The following MACROD2 variants were observed in gnomAD, a reference collection of about 807,000 sequenced individuals.
MACROD2 encodes ADP-ribose glycohydrolase MACROD2.
In MACROD2, 36 loss-of-function variants were observed where a neutral mutation model predicts 70.4. That is an observed-to-expected ratio of 0.51 (90% CI 0.39 to 0.68). The LOEUF (loss-of-function observed/expected upper bound fraction) is 0.68, where lower values mean the gene tolerates loss of function less well. Among genes scored for constraint, MACROD2 ranks in the 30% least tolerant of loss-of-function variants. The pLI is 0.00. For synonymous variants in MACROD2, 172 were observed against 178.8 expected, an observed-to-expected ratio of 0.96 and a Z score of 0.30; for missense variants, 496 against 538.4, an observed-to-expected ratio of 0.92 and a Z score of 0.78.
chr20:14,556,560 C>T (rs1339887989), intron 4 of MACROD2, among the ~76,000 whole-genome samples: 2 of 152,020 alleles, frequency 1.3e-5, no homozygotes, highest in African/African-American at 2.4e-5. Context: ...CTGCCAAACA[C>T]CACTGGAAAA....
At chr20:15,074,682 C>T (rs893246372) in intron 5 of MACROD2, among the ~76,000 whole-genome samples, 1 of 152,154 alleles carries the variant, frequency 6.6e-6, no homozygotes, top group Non-Finnish European at 1.5e-5. Flanking sequence ...AGCTGGTATC[C>T]ACTGCAGAAT....
chr20:14,034,117 G>A lies in MACROD2; in HGVS notation c.163+31713G>A, dbSNP rs1354637232. 2.6e-5 allele frequency among the ~76,000 whole-genome samples: 4 copies of A among 151,962 alleles called. No individual in the cohort carries two copies. In the East Asian group the frequency reaches 5.8e-4, roughly 22 times the overall value. Reference sequence around the variant, plus strand: ...CTCCCGACTAGTTGGGACTACAGGCGCCCGCCACCACACCAGGCTAATTTC... The same window carrying A: ...CTCCCGACTAGTTGGGACTACAGGCACCCGCCACCACACCAGGCTAATTTC... On this transcript the variant is annotated intron_variant, in intron 2 of 17. Transcript: ENST00000684519.
chr20:15,854,548 G>A (rs2064336569), intron 8 of MACROD2, among the ~76,000 whole-genome samples: 1 of 152,104 alleles, frequency 6.6e-6, no homozygotes, highest in African/African-American at 2.4e-5. Flanking sequence ...AACTAGGTTG[G>A]GCCTGGACTT....
intron 7 of MACROD2, among the ~76,000 whole-genome samples, chr20:15,467,266 A>C (rs1279496161): frequency 6.6e-6 from 1 of 152,232 alleles, no homozygotes; most frequent in Non-Finnish European, 1.5e-5. Context: ...TGTATGTTCT[A>C]TACCATTTCC....
chr20:14,562,903 C>G (rs1349447167), intron 4 of MACROD2, among the ~76,000 whole-genome samples: 1 of 151,770 alleles, frequency 6.6e-6, no homozygotes, highest in Non-Finnish European at 1.5e-5. Flanking sequence ...GTTTTGTGCT[C>G]TTTTGCCTTG....
chr20:14,103,288 T>C (rs2054323186), intron 3 of MACROD2, among the ~76,000 whole-genome samples: 1 of 152,200 alleles, frequency 6.6e-6, no homozygotes, highest in East Asian at 1.9e-4. Context: ...TCTTCTGAAG[T>C]TAAATAGTAA....
At chr20:14,446,139 T>G (rs1192281078) in intron 3 of MACROD2, among the ~76,000 whole-genome samples, 1 of 152,040 alleles carries the variant, frequency 6.6e-6, no homozygotes, top group Non-Finnish European at 1.5e-5. Flanking sequence ...CTACCAAACT[T>G]TGTATTGCCA....
intron 5 of MACROD2, among the ~76,000 whole-genome samples, chr20:14,866,143 C>A (rs918886044): frequency 6.6e-6 from 1 of 152,120 alleles, no homozygotes; most frequent in South Asian, 2.1e-4. Flanking sequence ...GCAACTGTCT[C>A]TCCATAGTTA....
At chr20:15,949,763 T>C (rs1207687673) in intron 12 of MACROD2, among the ~76,000 whole-genome samples, 5 of 152,148 alleles carry the variant, frequency 3.3e-5, no homozygotes, top group Non-Finnish European at 7.4e-5. Flanking sequence ...CATCACCTAA[T>C]AAAAGTAATC....
intron 8 of MACROD2, among the ~76,000 whole-genome samples, chr20:15,526,358 G>C (rs962556907): frequency 8.5e-5 from 13 of 152,134 alleles, no homozygotes; most frequent in African/African-American, 2.9e-4. Context: ...AATAGTTCAG[G>C]TATAACATAA....
chr20:14,471,278 A>T (rs2084527730), intron 3 of MACROD2, among the ~76,000 whole-genome samples: 2 of 152,110 alleles, frequency 1.3e-5, no homozygotes, highest in South Asian at 4.1e-4. Context: ...TCCCAATGAG[A>T]TGAGCCAGGT....
intron 5 of MACROD2, among the ~76,000 whole-genome samples, chr20:15,109,442 AG>A (rs1389915107): frequency 6.6e-6 from 1 of 152,178 alleles, no homozygotes; most frequent in Non-Finnish European, 1.5e-5. Flanking sequence ...TTATTTTTAA[AG>A]GGTTGCTGAC....
intron 8 of MACROD2, among the ~76,000 whole-genome samples, chr20:15,702,477 G>A (rs1398871128): frequency 6.6e-6 from 1 of 152,154 alleles, no homozygotes; most frequent in Non-Finnish European, 1.5e-5. Flanking sequence ...TTTGAGAAGA[G>A]TCTGTTCATA....
chr20:15,404,974 G>A (rs375248414), intron 6 of MACROD2, among the ~76,000 whole-genome samples: 5 of 152,252 alleles, frequency 3.3e-5, no homozygotes, highest in East Asian at 1.9e-4. Flanking sequence ...GTACTGATAC[G>A]TGCTACAATA....
chr20:14,233,631 A>T (rs1187976673), intron 3 of MACROD2, among the ~76,000 whole-genome samples: 1 of 145,190 alleles, frequency 6.9e-6, no homozygotes, highest in Admixed American at 7.1e-5. Context: ...CGGGAGGCAG[A>T]GCTTGCAGTG....
chr20:15,938,437 C>G (rs1158932169), intron 12 of MACROD2, among the ~76,000 whole-genome samples: 1 of 152,128 alleles, frequency 6.6e-6, no homozygotes, highest in Non-Finnish European at 1.5e-5. Context: ...AACCTTTTTA[C>G]TATTATTCTG....
rs73103554 is a variant in MACROD2, at chr20:15,923,500, C to T, written c.776-9776C>T. On this transcript the variant is annotated intron_variant, in intron 10 of 17. Transcript: ENST00000684519. ...AGATTTAGGTGGAGGCACAGCCAAACCATATCACCAATCATTCTCAAAGAG... is the reference window on the plus strand; with the variant it reads ...AGATTTAGGTGGAGGCACAGCCAAATCATATCACCAATCATTCTCAAAGAG... Among the ~76,000 whole-genome samples the T allele has an allele frequency of 7.6e-3, 1,158 of 152,274 alleles. 8 individuals carry two copies. Among genetic ancestry groups the T allele is most frequent in the Middle Eastern group, 0.024 (7 of 294 alleles).
intron 8 of MACROD2, among the ~76,000 whole-genome samples, chr20:15,565,697 C>A (rs1353858935): frequency 6.6e-6 from 1 of 152,100 alleles, no homozygotes; most frequent in African/African-American, 2.4e-5. Context: ...CTTACTGCAG[C>A]CTCAAATTCC....
chr20:14,169,403 C>G (rs141428357), intron 3 of MACROD2, among the ~76,000 whole-genome samples: 511 of 152,210 alleles, frequency 3.4e-3, no homozygotes, highest in East Asian at 0.011. Context: ...CTACTGTGTT[C>G]AAGCGATTCT....
Sources: allele counts gnomAD v4.1 joint callset (sites outside exome capture counted in the v4.1 genomes callset), GRCh38; gene constraint gnomAD v4.1.1; transcripts MANE v1.5; gene names NCBI Gene and HGNC (gene_info 2026-07-23, HGNC 2026-07-21).